DOCK4: variants seen among roughly 807,000 people sequenced by gnomAD.
DOCK4 encodes the protein dedicator of cytokinesis 4, also known as dedicator of cytokinesis protein 4.
Under a neutral mutation model 268.1 loss-of-function variants are expected in DOCK4, and 97 were observed. The ratio of observed to expected loss-of-function variants is 0.36; its 90% CI spans 0.31 to 0.43. The LOEUF is 0.43. Among genes scored for constraint, DOCK4 ranks in the 20% least tolerant of loss-of-function variants. DOCK4 has a pLI of 1.00. For synonymous variants in DOCK4, 954 were observed against 887.2 expected (o/e 1.08, Z -1.34); for missense variants, 2,145 against 2,455.7 (o/e 0.87, Z 2.67).
At chr7:112,126,198 T>C (rs1039230390) in intron 1 of DOCK4, among the ~76,000 whole-genome samples, 5 of 152,224 alleles carry the variant, frequency 3.3e-5, no homozygotes, top group Non-Finnish European at 1.5e-5. Context: ...TAAAAATTAA[T>C]CAAAATGGCA....
chr7:111,987,542 A>T (rs1294443192), intron 6 of DOCK4, among the ~76,000 whole-genome samples: 2 of 152,080 alleles, frequency 1.3e-5, no homozygotes, highest in African/African-American at 4.8e-5. Context: ...GACCCCTCCC[A>T]CTCCACAATA....
chr7:111,778,583 T>G (rs959502641), intron 35 of DOCK4, among the ~76,000 whole-genome samples: 1 of 152,240 alleles, frequency 6.6e-6, no homozygotes, highest in African/African-American at 2.4e-5. Context: ...TTTTTATCCC[T>G]GATTCACATT....
intron 1 of DOCK4, among the ~76,000 whole-genome samples, chr7:112,201,379 G>A (rs1361283921): frequency 6.6e-6 from 1 of 152,168 alleles, no homozygotes; most frequent in Non-Finnish European, 1.5e-5. Flanking sequence ...ATGACACTGT[G>A]ACTTCAGATC....
chr7:112,182,864 G>C (rs997098267), intron 1 of DOCK4, among the ~76,000 whole-genome samples: 2 of 152,198 alleles, frequency 1.3e-5, no homozygotes, highest in Non-Finnish European at 2.9e-5. Flanking sequence ...TGTGCAACAG[G>C]GTGGCCACAG....
intron 51 of DOCK4, among the ~76,000 whole-genome samples, chr7:111,734,547 G>A (rs1428449672): frequency 5.9e-5 from 9 of 152,296 alleles, no homozygotes; most frequent in Middle Eastern, 3.4e-3. Context: ...AACCCTTTGC[G>A]AAATATAGTC....
Position 112,121,611 on chromosome 7 carries a change from C to A in DOCK4, c.37+84491G>T, listed in dbSNP as rs377482995. Among the ~76,000 whole-genome samples the A allele has an allele frequency of 3.3e-5, 5 of 152,266 alleles. No homozygotes were observed. In the East Asian group the frequency reaches 7.7e-4, roughly 24 times the overall value. ...CACCCTTGTTCAGGAAATCTTCACC[C>A]CACTCTAATGTGAGAGAGAATAGCA... On this transcript the variant is annotated intron_variant, in intron 1 of 52. Transcript: ENST00000428084.
chr7:112,151,989 C>T (rs1816140527), intron 1 of DOCK4, among the ~76,000 whole-genome samples: 1 of 150,498 alleles, frequency 6.6e-6, no homozygotes, highest in Non-Finnish European at 1.5e-5. Flanking sequence ...CTAATTCTAG[C>T]TAATTGAAGC....
At chr7:112,191,664 T>C (rs999571082) in intron 1 of DOCK4, among the ~76,000 whole-genome samples, 1 of 152,168 alleles carries the variant, frequency 6.6e-6, no homozygotes, top group African/African-American at 2.4e-5. Context: ...CTAAGTCGTA[T>C]GTACAAAGGT....
intron 1 of DOCK4, among the ~76,000 whole-genome samples, chr7:112,186,630 G>A (rs1427145518): frequency 6.6e-6 from 1 of 152,042 alleles, no homozygotes; most frequent in Non-Finnish European, 1.5e-5. Flanking sequence ...CACAAAATAT[G>A]GTAGCATTAA....
At chr7:111,824,533 C>A (rs903234025) in intron 26 of DOCK4, among the ~76,000 whole-genome samples, 1 of 152,004 alleles carries the variant, frequency 6.6e-6, no homozygotes, top group South Asian at 2.1e-4. Flanking sequence ...GAACTGGAAA[C>A]TGGAGGCAGC....
chr7:112,115,235 T>C (rs964851596), intron 1 of DOCK4, among the ~76,000 whole-genome samples: 38 of 152,162 alleles, frequency 2.5e-4, no homozygotes, highest in Non-Finnish European at 1.2e-4. Context: ...CAGAAAAAAA[T>C]CTATTCCAAA....
intron 1 of DOCK4, among the ~76,000 whole-genome samples, chr7:112,201,442 CA>C (rs1213917284): frequency 2.0e-5 from 3 of 152,182 alleles, no homozygotes; most frequent in African/African-American, 7.2e-5. Context: ...CTGCACCGAT[CA>C]ATCCAGCCCG....
chr7:111,914,654 C>G (rs1792433899), intron 13 of DOCK4, among the ~76,000 whole-genome samples: 1 of 152,120 alleles, frequency 6.6e-6, no homozygotes, highest in African/African-American at 2.4e-5. Context: ...TACTCTACTG[C>G]CTTCTCACCT....
At chr7:112,066,338 C>T (rs1183361254) in intron 1 of DOCK4, among the ~76,000 whole-genome samples, 2 of 151,942 alleles carry the variant, frequency 1.3e-5, no homozygotes, top group Admixed American at 6.6e-5. Context: ...CCTGAGCCTT[C>T]CTGGTTCTGA....
chr7:111,790,790 T>G (rs1043293078), intron 30 of DOCK4, among the ~76,000 whole-genome samples, 185 bp from the exon 31 acceptor site: 1 of 152,034 alleles, frequency 6.6e-6, no homozygotes, highest in Non-Finnish European at 1.5e-5. Context: ...CTGGGTGCAG[T>G]GGCTCACGCC....
intron 45 of DOCK4, 130 bp downstream of exon 45, chr7:111,741,883 G>T: frequency 7.5e-7 from 1 of 1,334,146 alleles, no homozygotes. Flanking sequence ...TGTATTTGAG[G>T]GCTCCCTGGT....
chr7:111,990,454 GA>G (rs1285206449), intron 5 of DOCK4, among the ~76,000 whole-genome samples: 1 of 152,202 alleles, frequency 6.6e-6, no homozygotes, highest in Non-Finnish European at 1.5e-5. Flanking sequence ...TAAGCTGCCA[GA>G]AATATCAAAT....
intron 1 of DOCK4, among the ~76,000 whole-genome samples, chr7:112,183,595 A>G (rs1334640432): frequency 1.3e-5 from 2 of 152,270 alleles, no homozygotes; most frequent in East Asian, 3.9e-4. Context: ...CTTCCTTCTG[A>G]TGGTCATGTA....
Position 111,977,218 on chromosome 7 carries a change from CT to C in DOCK4, c.614del (p.Gln205ArgfsTer2). On this transcript the variant is annotated frameshift_variant, in exon 8 of 53. Coordinates refer to ENST00000428084, the MANE Select transcript of DOCK4 (RefSeq NM_001363540.2). LOFTEE classifies it high-confidence loss of function. ...GGTTGGAACACATGAGGCTCTTCAT[CT>C]GGACAAAGAGGTGGTGACTGCTGGC... ...VQASSHHLFV[Q>X]MKSLMCSNLG... The C allele has an allele frequency of 6.2e-7, 1 of 1,611,810 alleles. No individual in the cohort carries two copies. Among genetic ancestry groups the C allele is most frequent in the Non-Finnish European group, 8.5e-7 (1 of 1,179,034 alleles).
Sources: gnomAD v4.1 joint callset for allele counts (sites outside exome capture counted in the v4.1 genomes callset) on GRCh38, gnomAD v4.1.1 for gene constraint, MANE v1.5 for transcripts, NCBI Gene and HGNC (gene_info 2026-07-23, HGNC 2026-07-21) for gene names.